MATN2: variants seen among roughly 807,000 people sequenced by gnomAD.
MATN2 encodes matrilin 2.
Under a neutral mutation model 103.2 loss-of-function variants are expected in MATN2, and 69 were observed. The ratio of observed to expected loss-of-function variants is 0.67; its 90% CI spans 0.55 to 0.82. The LOEUF (loss-of-function observed/expected upper bound fraction) is 0.82, where lower values mean the gene tolerates loss of function less well. Ranked by LOEUF, MATN2 falls within the 40% of genes least tolerant of loss-of-function variation. The probability of loss-of-function intolerance (pLI) is 0.00; values close to 1 mark genes in which losing one functional copy is unlikely to be tolerated. For missense variants in MATN2, 1,023 were observed against 1,211.5 expected (o/e 0.84, Z 2.31); for synonymous variants, 429 against 450.2 (o/e 0.95, Z 0.60).
At chr8:98,020,596 G>C (rs566945279) in intron 12 of MATN2, among the ~76,000 whole-genome samples, 76 of 152,296 alleles carry the variant, frequency 5.0e-4, no homozygotes, top group Non-Finnish European at 9.9e-4. Context: ...CTGCTTCCTA[G>C]AGGGATGTGT....
chr8:97,998,037 C>G (rs965691332), intron 7 of MATN2, among the ~76,000 whole-genome samples: 17 of 149,780 alleles, frequency 1.1e-4, no homozygotes, highest in African/African-American at 4.2e-4. Context: ...CCAGGCTGGT[C>G]TCAAACTCCT....
chr8:97,994,418 G>T, intron 6 of MATN2, 62 bp from the exon 7 acceptor site: 2 of 1,545,456 alleles, frequency 1.3e-6, no homozygotes, highest in Non-Finnish European at 8.7e-7. Flanking sequence ...GGAAATCCCT[G>T]GTTTTCCTAT....
In MATN2 at chr8:97,971,424, G is replaced by A. The variant is rs1390374897; in HGVS notation, c.959-7462G>A. Reference sequence around the variant, plus strand: ...TGAGTAAGTGGAACGTTCAATTCCAGCACCAGAGTTCCAACTCCCTGACAG... The same window carrying A: ...TGAGTAAGTGGAACGTTCAATTCCAACACCAGAGTTCCAACTCCCTGACAG... On this transcript the variant is annotated intron_variant, in intron 5 of 18. Transcript: ENST00000254898. 2.0e-5 allele frequency among the ~76,000 whole-genome samples: 3 copies of A among 152,044 alleles called. No individual in the cohort carries two copies. The East Asian group carries it at 5.8e-4, about 29-fold the overall frequency.
At chr8:97,968,491 A>T (rs1021040021) in intron 5 of MATN2, among the ~76,000 whole-genome samples, 2 of 152,210 alleles carry the variant, frequency 1.3e-5, no homozygotes, top group African/African-American at 4.8e-5. Flanking sequence ...TTGCTCCAGT[A>T]TCTGATCATA....
chr8:98,028,997 G>T (rs1350580223), intron 14 of MATN2, among the ~76,000 whole-genome samples: 1 of 152,206 alleles, frequency 6.6e-6, no homozygotes. Context: ...TATGGACCCA[G>T]TGCCTAGATC....
chr8:97,969,769 T>C (rs1251602360), intron 5 of MATN2, among the ~76,000 whole-genome samples: 1 of 152,160 alleles, frequency 6.6e-6, no homozygotes, highest in East Asian at 1.9e-4. Context: ...ATTTCAGAAC[T>C]CTGCCAGGGA....
rs765751317 is a variant in MATN2, at chr8:97,931,274, G to A, written c.464G>A (p.Arg155Gln). The A allele has an allele frequency of 2.0e-5, 32 of 1,613,786 alleles. No individual in the cohort carries two copies. The highest frequency in any genetic ancestry group is 2.4e-5 in the Non-Finnish European group (28 of 1,179,876). ...NIAFSEAEGARPLRENVPRVI... is the reference protein window; with the variant it reads ...NIAFSEAEGAQPLRENVPRVI... ...GCATTCTCAGAAGCAGAGGGGGCCC[G>A]GCCCCTGAGGGAGAATGTGCCACGG... The change falls in exon 3 of 19, where the codon CGG becomes CAG. Residue 155 changes from arginine to glutamine, a missense_variant. Physicochemically the swap from Arg to Gln is conservative, Grantham distance 43. Transcript: ENST00000254898. This position sits in a 1 kb window ranked among gnomAD's most constrained non-coding sequence, Gnocchi z 4.1.
intron 12 of MATN2, among the ~76,000 whole-genome samples, chr8:98,018,410 C>G (rs1372195767): frequency 2.0e-5 from 3 of 152,182 alleles, no homozygotes; most frequent in African/African-American, 7.2e-5. Context: ...GTGCTAGTCA[C>G]TGGACTGAAT....
At chr8:97,906,920 C>G (rs1819188186) in intron 2 of MATN2, among the ~76,000 whole-genome samples, 1 of 151,570 alleles carries the variant, frequency 6.6e-6, no homozygotes, top group Non-Finnish European at 1.5e-5. Context: ...CGCCCATTTT[C>G]TTACTGAGCT....
rs183536219 is a variant in MATN2, at chr8:98,029,631, A to G, written c.2357-831A>G. On this transcript the variant is annotated intron_variant, in intron 14 of 18. Coordinates refer to ENST00000254898, the MANE Select transcript of MATN2 (RefSeq NM_002380.5). ...CCGGACAAATATGCTGAACTTGGTTAGTGACCTTACACAGACTCAGAACAA... is the reference window on the plus strand; with the variant it reads ...CCGGACAAATATGCTGAACTTGGTTGGTGACCTTACACAGACTCAGAACAA... 8.1e-4 allele frequency among the ~76,000 whole-genome samples: 123 copies of G among 152,360 alleles called. 1 individual carries two copies. Among genetic ancestry groups the G allele is most frequent in the Admixed American group, 7.4e-3 (113 of 15,312 alleles).
rs1270099053 is a variant in MATN2 at position 97,931,053 on chromosome 8, G to A, written c.243G>A (p.Val81=). ...ATGCAAAGGTCAAGGAGTTCATCGT[G>A]GACATCTTGCAATTCTTGGACATTG... is the stretch of plus-strand genomic sequence containing the variant. ...HDYAKVKEFI[V]DILQFLDIGP... The change falls in exon 3 of 19, where the codon GTG becomes GTA. Residue 81 remains valine, a synonymous_variant. Transcript: ENST00000254898. The surrounding 1 kb of genome is among the most constrained non-coding windows in gnomAD (Gnocchi z 4.1). The A allele has an allele frequency of 6.2e-7, 1 of 1,613,990 alleles. No individual in the cohort carries two copies. Among genetic ancestry groups the A allele is most frequent in the Non-Finnish European group, 8.5e-7 (1 of 1,179,874 alleles).
intron 18 of MATN2, among the ~76,000 whole-genome samples, chr8:98,035,421 C>A (rs543732780): frequency 6.6e-6 from 1 of 150,886 alleles, no homozygotes; most frequent in South Asian, 2.1e-4. Flanking sequence ...TCACACTGAG[C>A]CATCTGGCTT....
intron 5 of MATN2, among the ~76,000 whole-genome samples, chr8:97,976,289 A>G (rs927511601): frequency 1.3e-5 from 2 of 152,050 alleles, no homozygotes; most frequent in Middle Eastern, 3.4e-3. Flanking sequence ...TTGTATTTTT[A>G]GTAGAGACAG....
chr8:97,917,527 T>C (rs1195971748), intron 2 of MATN2, among the ~76,000 whole-genome samples: 1 of 152,142 alleles, frequency 6.6e-6, no homozygotes, highest in Non-Finnish European at 1.5e-5. Context: ...AGTGGGTCCA[T>C]GAGAGAAAAT....
Position 98,027,546 on chromosome 8 carries a change from C to A in MATN2, c.2073C>A (p.Ala691=). The change falls in exon 14 of 19, where the codon GCC becomes GCA. Residue 691 remains alanine, a synonymous_variant. Transcript: ENST00000254898. ...ATTCCTTGACAATTTCCCCCAAAGC[C>A]GCTCGAGTGGGGCTGCTCCAGTATT... The part of the protein sequence containing the change: ...IIDSLTISPK[A]ARVGLLQYST... 6.2e-7 allele frequency: 1 copy of A among 1,613,794 alleles called. No homozygotes were observed. The highest frequency in any genetic ancestry group is 8.5e-7 in the Non-Finnish European group (1 of 1,179,866).
Position 97,930,852 on chromosome 8 carries a change from C to A in MATN2, c.143-101C>A, listed in dbSNP as rs897040700. Reference sequence around the variant, plus strand: ...GACCAGGCTGGTCTTGAATTCCTGACCTCAGGTGATCCACCCGCCTTCCAA... The same window carrying A: ...GACCAGGCTGGTCTTGAATTCCTGAACTCAGGTGATCCACCCGCCTTCCAA... On this transcript the variant is annotated intron_variant, in intron 2 of 18. Coordinates refer to ENST00000254898, the MANE Select transcript of MATN2 (RefSeq NM_002380.5). 7 of 715,524 alleles carry A rather than the reference C, an allele frequency of 9.8e-6. No homozygotes were observed. In the Admixed American group the frequency reaches 1.4e-4, roughly 14 times the overall value. 44.3% of individuals were successfully genotyped at this position (715,524 alleles called of 1,614,324 possible). A position where few individuals can be genotyped will look rare whatever the true frequency, so the allele number is the denominator to read the frequency against.
intron 12 of MATN2, chr8:98,020,910 T>C (rs1813567230): frequency 7.6e-6 from 2 of 264,252 alleles, no homozygotes; most frequent in Non-Finnish European, 1.5e-5. Flanking sequence ...ACTGGAGTGT[T>C]TGGGATGTCT....
chr8:98,007,296 G>A lies in MATN2; in HGVS notation c.1450+69G>A, dbSNP rs74457262. Reference sequence around the variant, plus strand: ...GGAGTGAAACCTATGTGACTGCAGAGGGCACAGGTTGTACTTGGGCACCCC... The same window carrying A: ...GGAGTGAAACCTATGTGACTGCAGAAGGCACAGGTTGTACTTGGGCACCCC... On this transcript the variant is annotated intron_variant, in intron 9 of 18. Coordinates refer to ENST00000254898, the MANE Select transcript of MATN2 (RefSeq NM_002380.5). This position sits in a 1 kb window ranked among gnomAD's most constrained non-coding sequence, Gnocchi z 4.2. 7.1e-4 allele frequency: 1,131 copies of A among 1,602,260 alleles called. 13 individuals carry two copies. The African/African-American group carries it at 0.014, about 19-fold the overall frequency.
rs372069733 is a variant in MATN2, at chr8:97,931,093, C to G, written c.283C>G (p.Arg95Gly). The change falls in exon 3 of 19, where the codon CGA becomes GGA. Residue 95 changes from arginine (R) to glycine (G), a missense_variant. Transcript: ENST00000254898. The surrounding 1 kb of genome is among the most constrained non-coding windows in gnomAD (Gnocchi z 4.1). ...QFLDIGPDVT[R>G]VGLLQYGSTV... ...CTTGGACATTGGTCCTGATGTCACC[C>G]GAGTGGGCCTGCTCCAATATGGCAG... is the stretch of plus-strand genomic sequence containing the variant. 6.2e-7 allele frequency: 1 copy of G among 1,614,002 alleles called. No individual in the cohort carries two copies. The highest frequency in any genetic ancestry group is 1.7e-5 in the Admixed American group (1 of 60,024).
Sources: gnomAD v4.1 joint callset for allele counts (sites outside exome capture counted in the v4.1 genomes callset) on GRCh38, gnomAD v4.1.1 for gene constraint, Gnocchi (gnomAD v3.1) non-coding constraint, MANE v1.5 for transcripts, NCBI Gene and HGNC (gene_info 2026-07-23, HGNC 2026-07-21) for gene names.